Variants in DGKB observed in about 807,000 individuals in gnomAD.
DGKB encodes the protein 90 kDa diacylglycerol kinase.
In DGKB, 67 loss-of-function variants were observed where a neutral mutation model predicts 114.3. That is an observed-to-expected ratio of 0.59 (90% confidence interval 0.48 to 0.72). DGKB has a LOEUF of 0.72. DGKB is among the 30% of genes least tolerant of loss of function. The pLI is 0.00. For synonymous variants in DGKB, 398 were observed against 323.1 expected (o/e 1.23, Z -2.49); for missense variants, 907 against 975.2 (o/e 0.93, Z 0.93).
chr7:14,492,991 T>G (rs1409009362), intron 20 of DGKB, among the ~76,000 whole-genome samples: 1 of 152,102 alleles, frequency 6.6e-6, no homozygotes, highest in Non-Finnish European at 1.5e-5. Flanking sequence ...ATACATCTAC[T>G]TTGAATGCTT....
intron 2 of DGKB, among the ~76,000 whole-genome samples, chr7:14,807,772 A>T (rs911041366): frequency 1.3e-5 from 2 of 152,006 alleles, no homozygotes; most frequent in Non-Finnish European, 2.9e-5. Flanking sequence ...TCTTTAAAGC[A>T]TCTCCTTTTG....
At chr7:14,526,258 G>T (rs560957904) in intron 20 of DGKB, among the ~76,000 whole-genome samples, 1 of 152,076 alleles carries the variant, frequency 6.6e-6, no homozygotes, top group African/African-American at 2.4e-5. Context: ...CGTTGTTGTG[G>T]GGGGCTATAC....
intron 2 of DGKB, among the ~76,000 whole-genome samples, chr7:14,820,108 T>C (rs184670031): frequency 6.6e-6 from 1 of 152,264 alleles, no homozygotes; most frequent in African/African-American, 2.4e-5. Context: ...GACTAGCTCA[T>C]TGTAGTAGGA....
At chr7:14,724,440 C>G (rs993908953) in intron 5 of DGKB, among the ~76,000 whole-genome samples, 1 of 152,084 alleles carries the variant, frequency 6.6e-6, no homozygotes, top group Non-Finnish European at 1.5e-5. Context: ...ATGGTGATTC[C>G]TTATAAAGAG....
chr7:14,409,838 G>A lies in DGKB; in HGVS notation c.1836-64447C>T, dbSNP rs192718895. On this transcript the variant is annotated intron_variant, in intron 21 of 25. Coordinates refer to ENST00000402815, the MANE Select transcript of DGKB (RefSeq NM_001350709.2). ...TTCATCTTATAAACAGACAAGTACTGTAAATGTATTTTCTCCTCCTTATGA... is the reference window on the plus strand; with the variant it reads ...TTCATCTTATAAACAGACAAGTACTATAAATGTATTTTCTCCTCCTTATGA... Among the ~76,000 whole-genome samples the A allele has an allele frequency of 1.4e-4, 22 of 151,822 alleles. No homozygotes were observed. In the South Asian group the frequency reaches 2.9e-3, roughly 20 times the overall value.
At chr7:14,874,087 C>T (rs1368374379) in intron 1 of DGKB, among the ~76,000 whole-genome samples, 1 of 152,038 alleles carries the variant, frequency 6.6e-6, no homozygotes, top group Non-Finnish European at 1.5e-5. Flanking sequence ...GGTTGAGTTT[C>T]TCCAGTTGAA....
intron 2 of DGKB, among the ~76,000 whole-genome samples, chr7:14,833,694 T>A (rs756678990): frequency 8.5e-5 from 13 of 152,102 alleles, no homozygotes; most frequent in Non-Finnish European, 1.9e-4. Context: ...CACACATGCA[T>A]GACATGCATG....
chr7:14,818,179 A>C (rs1254563825), intron 2 of DGKB, among the ~76,000 whole-genome samples: 2 of 152,206 alleles, frequency 1.3e-5, no homozygotes, highest in African/African-American at 4.8e-5. Context: ...TCCCCTTAAC[A>C]ACTAAGATAC....
intron 5 of DGKB, among the ~76,000 whole-genome samples, chr7:14,726,088 C>T (rs1047738728): frequency 6.6e-5 from 10 of 151,980 alleles, no homozygotes; most frequent in African/African-American, 2.2e-4. Flanking sequence ...TGCACAGGTA[C>T]GACTCAAAAT....
At chr7:14,890,891 A>C (rs752194357) in intron 1 of DGKB, among the ~76,000 whole-genome samples, 1 of 151,268 alleles carries the variant, frequency 6.6e-6, no homozygotes, top group Non-Finnish European at 1.5e-5. Flanking sequence ...AAAAATCCCT[A>C]AATCTAACTT....
chr7:14,368,154 C>T (rs949442541), intron 21 of DGKB, among the ~76,000 whole-genome samples: 3 of 149,656 alleles, frequency 2.0e-5, no homozygotes, highest in Non-Finnish European at 3.0e-5. Flanking sequence ...TATGCACAGT[C>T]CCCCCACCAT....
intron 18 of DGKB, 73 bp from the exon 19 acceptor site, chr7:14,581,024 C>T (rs1799855913): frequency 7.8e-6 from 8 of 1,028,232 alleles, no homozygotes; most frequent in Non-Finnish European, 1.1e-5. Flanking sequence ...AAAAGATAGC[C>T]TGATGACATT....
At chr7:14,970,390 A>G (rs978584784) in intron 1 of DGKB, among the ~76,000 whole-genome samples, 4 of 152,116 alleles carry the variant, frequency 2.6e-5, no homozygotes, top group Non-Finnish European at 5.9e-5. Context: ...CAAGTGCTAT[A>G]AAGAAGTAAA....
At chr7:14,689,948 T>A (rs778288232) in intron 9 of DGKB, among the ~76,000 whole-genome samples, 22 of 152,312 alleles carry the variant, frequency 1.4e-4, no homozygotes, top group Non-Finnish European at 2.8e-4. Context: ...AAATGACCTA[T>A]AAGAATTGAA....
At chr7:14,492,454 C>T (rs1329241952) in intron 20 of DGKB, among the ~76,000 whole-genome samples, 1 of 151,900 alleles carries the variant, frequency 6.6e-6, no homozygotes, top group Non-Finnish European at 1.5e-5. Flanking sequence ...GTTTTTCCAA[C>T]CTAAAAACAA....
At chr7:14,156,153 T>A (rs1434044866) in intron 25 of DGKB, among the ~76,000 whole-genome samples, 2 of 152,176 alleles carry the variant, frequency 1.3e-5, no homozygotes, top group Non-Finnish European at 2.9e-5. Flanking sequence ...AATTAGGCAG[T>A]CTTCCATTAA....
intron 25 of DGKB, among the ~76,000 whole-genome samples, chr7:14,152,094 A>C (rs374221394): frequency 6.6e-6 from 1 of 152,040 alleles, no homozygotes; most frequent in East Asian, 1.9e-4. Flanking sequence ...TTTTGTATAC[A>C]TTGAACATTC....
At chr7:14,964,538 T>C (rs776470113) in intron 1 of DGKB, among the ~76,000 whole-genome samples, 7 of 151,926 alleles carry the variant, frequency 4.6e-5, no homozygotes, top group Non-Finnish European at 1.0e-4. Flanking sequence ...ATAAAACACA[T>C]GAGTATTACA....
chr7:14,400,759 T>C (rs926054859), intron 21 of DGKB, among the ~76,000 whole-genome samples: 1 of 46,230 alleles, frequency 2.2e-5, no homozygotes, highest in Non-Finnish European at 8.4e-5. Context: ...TGAGATGAAA[T>C]TTATTAATCC....
Sources: gnomAD v4.1 joint callset for allele counts (sites outside exome capture counted in the v4.1 genomes callset) on GRCh38, gnomAD v4.1.1 for gene constraint, MANE v1.5 for transcripts, NCBI Gene and HGNC (gene_info 2026-07-23, HGNC 2026-07-21) for gene names.